Variants in MTOR observed in about 807,000 individuals in gnomAD.
The protein encoded by MTOR is mechanistic target of rapamycin kinase.
MTOR carries 70 observed loss-of-function variants against 319.8 expected under a neutral mutation model. The ratio of observed to expected loss-of-function variants is 0.22; its 90% CI spans 0.18 to 0.27. The LOEUF (loss-of-function observed/expected upper bound fraction) is 0.27, where lower values mean the gene tolerates loss of function less well. MTOR is among the 10% of genes least tolerant of loss of function. MTOR has a pLI of 1.00. For missense variants in MTOR, 1,890 were observed against 3,274.4 expected (o/e 0.58, Z 10.32); for synonymous variants, 1,183 against 1,211.4 (o/e 0.98, Z 0.49).
chr1:11,221,481 A>G (rs964093363), intron 19 of MTOR, among the ~76,000 whole-genome samples: 4 of 151,738 alleles, frequency 2.6e-5, no homozygotes. Context: ...TCTATAAAAT[A>G]TATATATATG....
chr1:11,182,738 A>T (rs72871498), intron 28 of MTOR, among the ~76,000 whole-genome samples: 8,986 of 152,234 alleles, frequency 0.059, 374 homozygotes, highest in South Asian at 0.12. Context: ...TTTTGAGCTT[A>T]ATTATATAAA....
At position 11,128,666 on chromosome 1, in the gene MTOR, A is replaced by G; in HGVS notation, c.5812-114T>C. On this transcript the variant is annotated intron_variant, in intron 41 of 57. Coordinates refer to ENST00000361445, the MANE Select transcript of MTOR (RefSeq NM_004958.4). The surrounding 1 kb of genome is among the most constrained non-coding windows in gnomAD (Gnocchi z 5.3). ...TTCGGTTGATGCTCTGAAATGGTTC[A>G]TTCCCTTCCCTTTAGTTTCTAAAAG... is the stretch of plus-strand genomic sequence containing the variant. The G allele has an allele frequency of 8.6e-7, 1 of 1,164,550 alleles. No homozygotes were observed. The highest frequency in any genetic ancestry group is 1.4e-5 in the South Asian group (1 of 73,984). 72.1% of individuals were successfully genotyped at this position (1,164,550 alleles called of 1,614,324 possible).
intron 49 of MTOR, among the ~76,000 whole-genome samples, chr1:11,120,409 G>C (rs1406926898): frequency 1.3e-5 from 2 of 152,008 alleles, no homozygotes; most frequent in African/African-American, 4.8e-5. Context: ...ATGGTGGTAC[G>C]TGCCTGTAAT....
intron 36 of MTOR, among the ~76,000 whole-genome samples, chr1:11,138,006 T>C (rs1643510440): frequency 6.6e-6 from 1 of 152,218 alleles, no homozygotes; most frequent in Non-Finnish European, 1.5e-5. Flanking sequence ...GTCCCAGCAC[T>C]TTAAATAGGT....
At position 11,115,184 on chromosome 1, in the gene MTOR, G is replaced by A. The variant is rs945314413; in HGVS notation, c.7089+212C>T. On this transcript the variant is annotated intron_variant, in intron 51 of 57. Coordinates refer to ENST00000361445, the MANE Select transcript of MTOR (RefSeq NM_004958.4). This position sits in a 1 kb window ranked among gnomAD's most constrained non-coding sequence, Gnocchi z 4.5. Reference sequence around the variant, plus strand: ...AGGGTAGGGGCCTACTCTACTCAGAGGGCATGGGAACAGCAGCCCTTGCTC... The same window carrying A: ...AGGGTAGGGGCCTACTCTACTCAGAAGGCATGGGAACAGCAGCCCTTGCTC... 6.6e-6 allele frequency among the ~76,000 whole-genome samples: 1 copy of A among 152,178 alleles called. No individual in the cohort carries two copies. Among genetic ancestry groups the A allele is most frequent in the Non-Finnish European group, 1.5e-5 (1 of 68,030 alleles).
intron 25 of MTOR, among the ~76,000 whole-genome samples, chr1:11,205,248 C>T (rs939820340): frequency 6.6e-5 from 10 of 152,152 alleles, no homozygotes; most frequent in African/African-American, 2.4e-4. Context: ...TCTGAACTCT[C>T]CAGACATCAA....
rs1362782883 is a variant in MTOR, at chr1:11,219,535, C to G, written c.3031-3301G>C. On this transcript the variant is annotated intron_variant, in intron 19 of 57. Coordinates refer to ENST00000361445, the MANE Select transcript of MTOR (RefSeq NM_004958.4). ...TCTCTGGAAAGATGCAAATTTAGAGCAGATTTTCTAGTATTGCTCCAGGGA... is the reference window on the plus strand; with the variant it reads ...TCTCTGGAAAGATGCAAATTTAGAGGAGATTTTCTAGTATTGCTCCAGGGA... 2.0e-5 allele frequency among the ~76,000 whole-genome samples: 3 copies of G among 152,094 alleles called. No homozygotes were observed. In the East Asian group the frequency reaches 5.8e-4, roughly 29 times the overall value.
chr1:11,260,055 A>G (rs1036525966), intron 1 of MTOR, among the ~76,000 whole-genome samples: 6 of 152,372 alleles, frequency 3.9e-5, no homozygotes, highest in Non-Finnish European at 7.3e-5. Flanking sequence ...AAAGTGTTTA[A>G]AACAGTGCAG....
At chr1:11,258,336 G>A (rs1195596664) in intron 3 of MTOR, 149 bp downstream of exon 3, 2 of 601,774 alleles carry the variant, frequency 3.3e-6, no homozygotes, top group Non-Finnish European at 5.9e-6. Context: ...TTTTTCCTGT[G>A]GCCCAGGGCT....
intron 8 of MTOR, among the ~76,000 whole-genome samples, chr1:11,244,296 TAA>T (rs35865993): frequency 7.9e-5 from 7 of 88,970 alleles, no homozygotes; most frequent in Admixed American, 1.5e-4. Flanking sequence ...ACATCTCATT[TAA>T]AAAAAAAAAA....
chr1:11,156,349 T>C (rs1644318390), intron 30 of MTOR, among the ~76,000 whole-genome samples: 1 of 152,212 alleles, frequency 6.6e-6, no homozygotes, highest in South Asian at 2.1e-4. Flanking sequence ...AGCATTTTAT[T>C]TTAACTATTT....
intron 19 of MTOR, among the ~76,000 whole-genome samples, chr1:11,221,514 T>C (rs1443562484): frequency 6.6e-6 from 1 of 151,524 alleles, no homozygotes; most frequent in Non-Finnish European, 1.5e-5. Context: ...CTAAAAGAAA[T>C]CAGAGCTCCT....
intron 54 of MTOR, among the ~76,000 whole-genome samples, chr1:11,110,420 G>T: frequency 6.7e-6 from 1 of 149,772 alleles, no homozygotes; most frequent in Non-Finnish European, 1.5e-5. Flanking sequence ...TTTTTTTTTT[G>T]AGACGGAGTT....
chr1:11,179,635 G>A (rs1384300313), intron 28 of MTOR, among the ~76,000 whole-genome samples: 1 of 152,218 alleles, frequency 6.6e-6, no homozygotes, highest in Non-Finnish European at 1.5e-5. Context: ...AAGACGCTCT[G>A]CAAGAGCAAG....
chr1:11,113,791 CTG>C (rs1333339108), intron 53 of MTOR, among the ~76,000 whole-genome samples: 1 of 152,030 alleles, frequency 6.6e-6, no homozygotes, highest in Non-Finnish European at 1.5e-5. Flanking sequence ...TATGGTTTGG[CTG>C]TGTCCCCACC....
rs558389352 is a variant in MTOR at position 11,257,089 on chromosome 1, G to A, written c.348C>T (p.Pro116=). The A allele has an allele frequency of 6.8e-5, 109 of 1,614,176 alleles. 1 individual carries two copies. In the South Asian group the frequency reaches 1.0e-3, roughly 15 times the overall value. ...TTTCCATGACAACTGGGTCATTGGAGGGGAGGAGGTTCCGAAGATAGTTGG... is the reference window on the plus strand; with the variant it reads ...TTTCCATGACAACTGGGTCATTGGAAGGGAGGAGGTTCCGAAGATAGTTGG... ...RFANYLRNLL[P]SNDPVVMEMA... Residue 116 remains proline (P), a synonymous_variant, in exon 4 of 58, where the codon CCC becomes CCT. Transcript: ENST00000361445.
Position 11,109,236 on chromosome 1 carries a change from G to A in MTOR, c.7528+54C>T. ...CATGGGGCTGACCACCACTCAGAGA[G>A]GAAAGTGTGCTCAGATTTTATGTCC... On this transcript the variant is annotated intron_variant, in intron 56 of 57. Coordinates refer to ENST00000361445, the MANE Select transcript of MTOR (RefSeq NM_004958.4). This position sits in a 1 kb window ranked among gnomAD's most constrained non-coding sequence, Gnocchi z 4.0. 6.5e-7 allele frequency: 1 copy of A among 1,538,610 alleles called. No individual in the cohort carries two copies.
intron 19 of MTOR, among the ~76,000 whole-genome samples, chr1:11,224,791 A>G (rs1426106660): frequency 6.6e-6 from 1 of 152,362 alleles, no homozygotes; most frequent in East Asian, 1.9e-4. Context: ...CCACTTCTAA[A>G]TAACTCAAGG....
In MTOR at chr1:11,200,019, C is replaced by T. The variant is rs369440116; in HGVS notation, c.3945-316G>A. Among the ~76,000 whole-genome samples, 53 of 152,084 alleles carry T rather than the reference C, an allele frequency of 3.5e-4. No homozygotes were observed. In the South Asian group the frequency reaches 8.1e-3, roughly 23 times the overall value. On this transcript the variant is annotated intron_variant, in intron 26 of 57. Transcript: ENST00000361445. ...TTGTGATATTCAGGGACTTGGGGGGCGAGTGGCAGGGCGGGGAGAAGAGCA... is the reference window on the plus strand; with the variant it reads ...TTGTGATATTCAGGGACTTGGGGGGTGAGTGGCAGGGCGGGGAGAAGAGCA...
Sources: allele counts gnomAD v4.1 joint callset (sites outside exome capture counted in the v4.1 genomes callset), GRCh38; gene constraint gnomAD v4.1.1; non-coding constraint Gnocchi (gnomAD v3.1); transcripts MANE v1.5; gene names NCBI Gene and HGNC (gene_info 2026-07-23, HGNC 2026-07-21).